Variants in TNXB observed in about 807,000 individuals in gnomAD.
The protein encoded by TNXB is tenascin-X.
A neutral mutation model predicts 340.5 loss-of-function variants in TNXB; 183 were observed. The observed-to-expected ratio is 0.54, with a 90% CI of 0.48 to 0.61. The LOEUF (loss-of-function observed/expected upper bound fraction) is 0.61. Among genes scored for constraint, TNXB ranks in the 20% least tolerant of loss-of-function variants. The pLI is 0.00. For synonymous variants in TNXB, 2,121 were observed against 2,314.5 expected (o/e 0.92, Z 2.40); for missense variants, 4,613 against 5,446.4 (o/e 0.85, Z 4.82).
rs765701906 is a variant in TNXB at position 32,088,927 on chromosome 6, G to A, written c.2637C>T (p.Asn879=). The A allele has an allele frequency of 6.2e-7, 1 of 1,602,894 alleles. No homozygotes were observed. The highest frequency in any genetic ancestry group is 1.7e-5 in the Admixed American group (1 of 57,990). ...GGGGCACTTCCAGCCTCACCCTCTG[G>A]TTGCCGGCACTGACGTAGGACACCA... ...RFVVSYVSAG[N]QRVRLEVPPE... Residue 879 remains asparagine, a synonymous_variant, in exon 6 of 44, where the codon AAC becomes AAT. Coordinates refer to ENST00000644971, the MANE Select transcript of TNXB (RefSeq NM_001365276.2).
intron 22 of TNXB, among the ~76,000 whole-genome samples, chr6:32,057,595 G>C (rs374226350): frequency 6.6e-6 from 1 of 152,246 alleles, no homozygotes; most frequent in East Asian, 1.9e-4. Context: ...GGCCTGGTGA[G>C]TGGTCCCCTC....
At position 32,042,367 on chromosome 6, in the gene TNXB, G is replaced by A. The variant is rs377297042; in HGVS notation, c.12211-5C>T. On this transcript the variant is annotated splice_polypyrimidine_tract_variant and splice_region_variant and intron_variant, in intron 40 of 43. Transcript: ENST00000644971. The stretch of plus-strand genomic sequence containing the variant: ...ATCCATGCGGCGCTGGAACACCTGG[G>A]AAGCAAGTGGGGGCACCATCAGCCT... 1.0e-4 allele frequency: 158 copies of A among 1,587,358 alleles called. 5 individuals carry two copies. Among genetic ancestry groups the A allele is most frequent in the Non-Finnish European group, 1.2e-4 (137 of 1,162,328 alleles).
chr6:32,042,052 C>T lies in TNXB; in HGVS notation c.12429G>A (p.Glu4143=), dbSNP rs1188467931. Reference sequence around the variant, plus strand: ...AGCCCTCCAAGTGGAGGCGGTAGTACTCCGCAGCCGAGTCTACGTGGAAGG... The same window carrying T: ...AGCCCTCCAAGTGGAGGCGGTAGTATTCCGCAGCCGAGTCTACGTGGAAGG... ...YDSFHVDSAA[E]YYRLHLEGYH... Residue 4143 remains glutamate (E), a synonymous_variant, in exon 42 of 44, where the codon GAG becomes GAA. Transcript: ENST00000644971. 1.8e-6 allele frequency: 1 copy of T among 542,706 alleles called. No individual in the cohort carries two copies. The highest frequency in any genetic ancestry group is 3.2e-6 in the Non-Finnish European group (1 of 313,962). 33.6% of individuals were successfully genotyped at this position (542,706 alleles called of 1,614,324 possible).
chr6:32,105,053 A>C (rs931874706), intron 1 of TNXB, among the ~76,000 whole-genome samples: 3 of 152,150 alleles, frequency 2.0e-5, no homozygotes, highest in African/African-American at 7.2e-5. Flanking sequence ...GAACACTGAC[A>C]AACAGCCCTA....
At position 32,087,717 on chromosome 6, in the gene TNXB, CTGGTT is replaced by C; in HGVS notation, c.2779+1063_2779+1067del. 2.1e-6 allele frequency: 1 copy of C among 481,328 alleles called. No homozygotes were observed. The highest frequency in any genetic ancestry group is 4.1e-6 in the Non-Finnish European group (1 of 242,094). The allele number at this position is 481,328 out of a possible 1,614,324, so 29.8% of individuals were successfully genotyped here. A position where few individuals can be genotyped will look rare whatever the true frequency, so the allele number is the denominator to read the frequency against. Reference sequence around the variant, plus strand: ...TGTGGCGCGCCACCGACGTGTAAGTCTGGTTGGCCCGCAGTGGGTAGCCGTGAGCC... The same window carrying C: ...TGTGGCGCGCCACCGACGTGTAAGTCGGCCCGCAGTGGGTAGCCGTGAGCC... On this transcript the variant is annotated intron_variant, in intron 6 of 43. Coordinates refer to ENST00000644971, the MANE Select transcript of TNXB (RefSeq NM_001365276.2). The surrounding 1 kb of genome is among the most constrained non-coding windows in gnomAD (Gnocchi z 9.0).
rs772180403 is a variant in TNXB at position 32,097,056 on chromosome 6, C to T, written c.797G>A (p.Cys266Tyr). 22 of 1,613,344 alleles carry T rather than the reference C, an allele frequency of 1.4e-5. No individual in the cohort carries two copies. The South Asian group carries it at 2.4e-4, about 18-fold the overall frequency. Residue 266 changes from cysteine (C) to tyrosine (Y), a missense_variant, in exon 3 of 44, where the codon TGT becomes TAT. Cys to Tyr is a radical substitution (Grantham distance 194, BLOSUM62 -2). Coordinates refer to ENST00000644971, the MANE Select transcript of TNXB (RefSeq NM_001365276.2). The surrounding 1 kb of genome is among the most constrained non-coding windows in gnomAD (Gnocchi z 5.9). The part of the protein sequence containing the change: ...RGRCEGGRCV[C>Y]DPGYTGDDCG... ...GTCGTCACCAGTGTAGCCTGGGTCA[C>T]ACACGCAGCGCCCACCCTCACAGCG...
At position 32,067,951 on chromosome 6, in the gene TNXB, G is replaced by C; in HGVS notation, c.6254C>G (p.Pro2085Arg). 1 of 1,612,316 alleles carries C rather than the reference G, an allele frequency of 6.2e-7. No individual in the cohort carries two copies. Among genetic ancestry groups the C allele is most frequent in the Non-Finnish European group, 8.5e-7 (1 of 1,179,670 alleles). ...AGCGGGCTCCGGGGCCTCCATGCTG[G>C]GTTCTGTGGGGCTGGGGGTCTCTTC... ...AEEETPSPTE[P>R]SMEAPEPAEE... is the part of the protein sequence containing the mutation. The change falls in exon 18 of 44, where the codon CCC becomes CGC. Residue 2085 changes from proline to arginine, a missense_variant. By Grantham distance (103) the Pro-to-Arg change is moderately radical (BLOSUM62 -2). Around this residue, in one of 7 missense-constraint regions of TNXB, gnomAD observed 4,327 missense variants for 4,859.4 expected, o/e 0.89. Transcript: ENST00000644971. The surrounding 1 kb of genome is among the most constrained non-coding windows in gnomAD (Gnocchi z 4.2).
Position 32,042,463 on chromosome 6 carries a change from C to G in TNXB, c.12202G>C (p.Gly4068Arg). Reference sequence around the variant, plus strand: ...TTCCCAATGCCACCCACCAGCCAGCCGCCCCCATCAGTCTCCATGTCGCAA... The same window carrying G: ...TTCCCAATGCCACCCACCAGCCAGCGGCCCCCATCAGTCTCCATGTCGCAA... ...VFCDMETDGGGWLVFQRRMDG... is the reference protein window; with the variant it reads ...VFCDMETDGGRWLVFQRRMDG... Residue 4068 changes from glycine to arginine, a missense_variant, in exon 40 of 44, where the codon GGC becomes CGC. Physicochemically the swap from Gly to Arg is moderately radical, Grantham distance 125. Around this residue, in one of 7 missense-constraint regions of TNXB, gnomAD observed 121 missense variants for 177.4 expected, o/e 0.68. Coordinates refer to ENST00000644971, the MANE Select transcript of TNXB (RefSeq NM_001365276.2). The G allele has an allele frequency of 6.2e-7, 1 of 1,612,240 alleles. No individual in the cohort carries two copies. The highest frequency in any genetic ancestry group is 8.5e-7 in the Non-Finnish European group (1 of 1,179,872).
chr6:32,084,637 G>T lies in TNXB; in HGVS notation c.3221C>A (p.Thr1074Asn), dbSNP rs867358435. 3 of 1,600,194 alleles carry T rather than the reference G, an allele frequency of 1.9e-6. No homozygotes were observed. The African/African-American group carries it at 4.0e-5, about 21-fold the overall frequency. Residue 1074 changes from threonine (T) to asparagine (N), a missense_variant, in exon 8 of 44, where the codon ACC becomes AAC. Around this residue, in one of 7 missense-constraint regions of TNXB, gnomAD observed 4,327 missense variants for 4,859.4 expected, o/e 0.89. Coordinates refer to ENST00000644971, the MANE Select transcript of TNXB (RefSeq NM_001365276.2). This position sits in a 1 kb window ranked among gnomAD's most constrained non-coding sequence, Gnocchi z 5.5. ...RLGELTVTDR[T>N]SDSLLLRWTV... is the part of the protein sequence containing the mutation. The stretch of plus-strand genomic sequence containing the variant: ...CCAGCGCAGGAGCAAGGAGTCGGAG[G>T]TCCTGTCTGTCACCGTCAGCTCACC...
intron 1 of TNXB, among the ~76,000 whole-genome samples, chr6:32,103,981 T>C (rs1448297500): frequency 1.3e-5 from 2 of 152,130 alleles, no homozygotes; most frequent in African/African-American, 4.8e-5. Flanking sequence ...TCTGCCCACC[T>C]CGGCCTCCCA....
Position 32,050,054 on chromosome 6 carries a change from A to G in TNXB, c.9383T>C (p.Leu3128Pro). The G allele has an allele frequency of 6.2e-7, 1 of 1,613,818 alleles. No individual in the cohort carries two copies. The highest frequency in any genetic ancestry group is 1.1e-5 in the South Asian group (1 of 91,086). The part of the protein sequence containing the change: ...LEPDHKYKMN[L>P]YGFHGGQRVG... ...GCGCTGGCCACCGTGGAAGCCGTAC[A>G]GGTTCATCTTGTATTTATGGTCTGG... The change falls in exon 27 of 44, where the codon CTG becomes CCG. Residue 3128 changes from leucine to proline, a missense_variant. Transcript: ENST00000644971.
At position 32,089,368 on chromosome 6, in the gene TNXB, C is replaced by T. The variant is rs1266201407; in HGVS notation, c.2370G>A (p.Ala790=). The T allele has an allele frequency of 1.2e-6, 2 of 1,606,160 alleles. No homozygotes were observed. The highest frequency in any genetic ancestry group is 1.1e-5 in the South Asian group (1 of 89,300). ...EIQFIPTTEG[A]SPPFTARVPS... ...GAACCCGTGCTGTGAATGGGGGGCTCGCCCCCTCTGTCTGTGAGAGAGAGC... is the reference window on the plus strand; with the variant it reads ...GAACCCGTGCTGTGAATGGGGGGCTTGCCCCCTCTGTCTGTGAGAGAGAGC... Residue 790 remains alanine, a synonymous_variant, in exon 5 of 44, where the codon GCG becomes GCA. Coordinates refer to ENST00000644971, the MANE Select transcript of TNXB (RefSeq NM_001365276.2). This position sits in a 1 kb window ranked among gnomAD's most constrained non-coding sequence, Gnocchi z 6.2.
chr6:32,062,085 C>A lies in TNXB; in HGVS notation c.7168+72G>T, dbSNP rs564013631. ...CTGACCAGACCCGTCCCATTCCCCACCAGTCATCACCAAAGAGCAAGAGGG... is the reference window on the plus strand; with the variant it reads ...CTGACCAGACCCGTCCCATTCCCCAACAGTCATCACCAAAGAGCAAGAGGG... On this transcript the variant is annotated intron_variant, in intron 20 of 43. Coordinates refer to ENST00000644971, the MANE Select transcript of TNXB (RefSeq NM_001365276.2). The surrounding 1 kb of genome is among the most constrained non-coding windows in gnomAD (Gnocchi z 4.3). The A allele has an allele frequency of 1.5e-5, 23 of 1,519,478 alleles. No individual in the cohort carries two copies. In the Admixed American group the frequency reaches 3.9e-4, roughly 26 times the overall value. 94.1% of individuals were successfully genotyped at this position (1,519,478 alleles called of 1,614,324 possible).
At chr6:32,103,316 G>A (rs1045393586) in intron 1 of TNXB, among the ~76,000 whole-genome samples, 12 of 151,790 alleles carry the variant, frequency 7.9e-5, no homozygotes, top group African/African-American at 2.2e-4. Flanking sequence ...TGTAATCCCA[G>A]CTACTTGGGA....
In TNXB at chr6:32,070,409, G is replaced by A. The variant is rs746016355; in HGVS notation, c.4996C>T (p.Arg1666Ter). ...PVSVEAKTVARGDASPGAPPR... is the reference protein window; with the variant it reads ...PVSVEAKTVA Reference sequence around the variant, plus strand: ...GGGGCCCCTGGGCTGGCGTCACCTCGGGCAACTGGAGAGGAAAGGTTCTTG... The same window carrying A: ...GGGGCCCCTGGGCTGGCGTCACCTCAGGCAACTGGAGAGGAAAGGTTCTTG... Residue 1666 changes from arginine (R) to a stop codon, truncating the protein, a stop_gained, in exon 14 of 44, where the codon CGA becomes TGA. Transcript: ENST00000644971. LOFTEE classifies it high-confidence loss of function. This position sits in a 1 kb window ranked among gnomAD's most constrained non-coding sequence, Gnocchi z 6.0. The A allele has an allele frequency of 3.1e-6, 5 of 1,587,446 alleles. No individual in the cohort carries two copies. Among genetic ancestry groups the A allele is most frequent in the East Asian group, 4.5e-5 (2 of 44,378 alleles).
rs749807972 is a variant in TNXB at position 32,084,558 on chromosome 6, G to C, written c.3300C>G (p.Asp1100Glu). 1.2e-6 allele frequency: 2 copies of C among 1,608,846 alleles called. No individual in the cohort carries two copies. Among genetic ancestry groups the C allele is most frequent in the Non-Finnish European group, 1.7e-6 (2 of 1,178,678 alleles). The change falls in exon 8 of 44, where the codon GAC (aspartate) becomes GAG (glutamate). Residue 1100 changes from aspartate to glutamate, a missense_variant. This residue lies in a region of TNXB where 4,327 missense variants were observed against 4,859.4 expected (regional missense o/e 0.89). Transcript: ENST00000644971. This position sits in a 1 kb window ranked among gnomAD's most constrained non-coding sequence, Gnocchi z 5.5. ...CCACGGGCACCACCTGGGGCTGCCC[G>C]TCCCTGTCTTTGTACTGGATCACGA... ...DSFVIQYKDR[D>E]GQPQVVPVEG...
rs754886670 is a variant in TNXB, at chr6:32,087,314, C to G, written c.2780-1196G>C. 1 of 494,978 alleles carries G rather than the reference C, an allele frequency of 2.0e-6. No homozygotes were observed. The highest frequency in any genetic ancestry group is 5.9e-5 in the East Asian group (1 of 17,072). The allele number at this position is 494,978 out of a possible 1,614,324, so 30.7% of individuals were successfully genotyped here. On this transcript the variant is annotated intron_variant, in intron 6 of 43. Transcript: ENST00000644971. This position sits in a 1 kb window ranked among gnomAD's most constrained non-coding sequence, Gnocchi z 9.0. ...CCCGCCCGCACCCCGTGGACCTCCACGTGGTAGGTGGTGCCGGGCCTGAGG... is the reference window on the plus strand; with the variant it reads ...CCCGCCCGCACCCCGTGGACCTCCAGGTGGTAGGTGGTGCCGGGCCTGAGG...
At position 32,058,854 on chromosome 6, in the gene TNXB, C is replaced by T. The variant is rs994688649; in HGVS notation, c.7493-464G>A. Among the ~76,000 whole-genome samples, 9 of 151,794 alleles carry T rather than the reference C, an allele frequency of 5.9e-5. No individual in the cohort carries two copies. Among genetic ancestry groups the T allele is most frequent in the African/African-American group, 1.7e-4 (7 of 41,098 alleles). ...GCAACGCATCAAATAACCATTGAAA[C>T]GATGATGAATGCTGGTTGTGTAGCC... is the stretch of plus-strand genomic sequence containing the variant. On this transcript the variant is annotated intron_variant, in intron 21 of 43. Coordinates refer to ENST00000644971, the MANE Select transcript of TNXB (RefSeq NM_001365276.2). The surrounding 1 kb of genome is among the most constrained non-coding windows in gnomAD (Gnocchi z 5.1).
chr6:32,048,091 G>C, intron 29 of TNXB, 79 bp from the exon 30 acceptor site: 1 of 1,500,488 alleles, frequency 6.7e-7, no homozygotes, highest in Non-Finnish European at 9.0e-7. Flanking sequence ...CTATGGCTCT[G>C]TGAGCCGGTC....
Sources: allele counts gnomAD v4.1 joint callset (sites outside exome capture counted in the v4.1 genomes callset), GRCh38; gene constraint gnomAD v4.1.1; regional missense constraint gnomAD v4.1.1; non-coding constraint Gnocchi (gnomAD v3.1); transcripts MANE v1.5; gene names NCBI Gene and HGNC (gene_info 2026-07-23, HGNC 2026-07-21).